The following GALNT13 variants were observed in gnomAD, a reference collection of about 807,000 sequenced individuals.
The protein encoded by GALNT13 is UDP-GalNAc:polypeptide N-acetylgalactosaminyltransferase 13.
Under a neutral mutation model 64.2 loss-of-function variants are expected in GALNT13, and 28 were observed. The observed-to-expected ratio is 0.44, with a 90% CI of 0.32 to 0.60. GALNT13 has a LOEUF of 0.60. Ranked by LOEUF, GALNT13 falls within the 20% of genes least tolerant of loss-of-function variation. The probability of loss-of-function intolerance (pLI) is 0.05; values close to 1 mark genes in which losing one functional copy is unlikely to be tolerated. For missense variants in GALNT13, 577 were observed against 669.8 expected, an observed-to-expected ratio of 0.86 and a Z score of 1.53; for synonymous variants, 214 against 224.6, an observed-to-expected ratio of 0.95 and a Z score of 0.42.
At chr2:153,467,478 G>A in the GALNT13 span, among the ~76,000 whole-genome samples, 1 of 152,182 alleles carries the variant, frequency 6.6e-6, no homozygotes, top group African/African-American at 2.4e-5. Flanking sequence ...TAGCAGAATG[G>A]CAGAGAGGAA....
chr2:153,648,165 T>A, the GALNT13 span, among the ~76,000 whole-genome samples: 1 of 152,202 alleles, frequency 6.6e-6, no homozygotes, highest in African/African-American at 2.4e-5. Flanking sequence ...GTAGTTCTCC[T>A]TGAAGAGGAC....
chr2:153,173,041 G>A, the GALNT13 span, among the ~76,000 whole-genome samples: 1 of 151,864 alleles, frequency 6.6e-6, no homozygotes, highest in South Asian at 2.1e-4. Context: ...TAGGCATACT[G>A]TGAACATTAC....
chr2:153,736,810 A>G, the GALNT13 span, among the ~76,000 whole-genome samples: 1 of 151,736 alleles, frequency 6.6e-6, no homozygotes, highest in African/African-American at 2.4e-5. Context: ...CATTTTCTTC[A>G]GTCTCCCTGC....
the GALNT13 span, among the ~76,000 whole-genome samples, chr2:153,104,080 T>C: frequency 6.6e-6 from 1 of 152,188 alleles, no homozygotes; most frequent in Non-Finnish European, 1.5e-5. Flanking sequence ...CCTTCACAAC[T>C]TTACTATTAG....
intron 9 of GALNT13, among the ~76,000 whole-genome samples, chr2:154,355,138 C>T (rs1384181790): frequency 6.6e-6 from 1 of 152,088 alleles, no homozygotes; most frequent in Non-Finnish European, 1.5e-5. Context: ...GCTTTGTCCC[C>T]ACGCCCAGCC....
At chr2:154,281,655 A>G (rs1227411211) in intron 8 of GALNT13, among the ~76,000 whole-genome samples, 1 of 152,088 alleles carries the variant, frequency 6.6e-6, no homozygotes, top group African/African-American at 2.4e-5. Flanking sequence ...GGGAGATGAG[A>G]TTAAAGGCTC....
At chr2:154,257,273 T>C (rs1690430733) in intron 7 of GALNT13, among the ~76,000 whole-genome samples, 1 of 152,210 alleles carries the variant, frequency 6.6e-6, no homozygotes, top group Non-Finnish European at 1.5e-5. Context: ...TCAATACATG[T>C]TATTTAAATT....
chr2:153,449,058 G>C, the GALNT13 span, among the ~76,000 whole-genome samples: 1 of 151,838 alleles, frequency 6.6e-6, no homozygotes. Context: ...CTGTCTCTCT[G>C]TCTCTCTCTC....
chr2:153,975,821 C>T (rs1213024918), intron 3 of GALNT13, among the ~76,000 whole-genome samples: 2 of 151,958 alleles, frequency 1.3e-5, no homozygotes, highest in African/African-American at 2.4e-5. Flanking sequence ...TAAATCTTCT[C>T]ACAGCACTAC....
the GALNT13 span, among the ~76,000 whole-genome samples, chr2:153,750,621 T>G: frequency 4.9e-3 from 748 of 151,956 alleles, 1 homozygote; most frequent in Middle Eastern, 0.01. Context: ...ACGTTGCTCA[T>G]AGAGGCCACA....
chr2:153,990,122 T>C (rs1372706311), intron 3 of GALNT13, among the ~76,000 whole-genome samples: 1 of 152,084 alleles, frequency 6.6e-6, no homozygotes, highest in Non-Finnish European at 1.5e-5. Context: ...AATCTTTCTG[T>C]AGACTGGTGC....
the GALNT13 span, among the ~76,000 whole-genome samples, chr2:153,590,963 G>C: frequency 2.2e-5 from 3 of 138,612 alleles, no homozygotes; most frequent in East Asian, 7.1e-4. Flanking sequence ...AGAAGTCTTA[G>C]CCAGAGAAAT....
At chr2:153,970,515 G>A (rs1693668062) in intron 3 of GALNT13, among the ~76,000 whole-genome samples, 1 of 152,108 alleles carries the variant, frequency 6.6e-6, no homozygotes, top group Non-Finnish European at 1.5e-5. Flanking sequence ...TTCCTTTAGT[G>A]ATCTCTTTGA....
intron 3 of GALNT13, among the ~76,000 whole-genome samples, chr2:154,136,889 G>A (rs1682983875): frequency 6.6e-6 from 1 of 151,698 alleles, no homozygotes; most frequent in Non-Finnish European, 1.5e-5. Context: ...ATGTAGATTT[G>A]CTTGCCTTCT....
At chr2:153,557,637 A>G in the GALNT13 span, among the ~76,000 whole-genome samples, 2 of 152,190 alleles carry the variant, frequency 1.3e-5, no homozygotes, top group Non-Finnish European at 2.9e-5. Context: ...TATTCTTCAT[A>G]CTAAAATAGT....
chr2:154,093,669 C>CTTT (rs11463218), intron 3 of GALNT13, among the ~76,000 whole-genome samples: 3 of 142,322 alleles, frequency 2.1e-5, no homozygotes, highest in East Asian at 2.1e-4. Context: ...CACATTATTT[C>CTTT]TTTTTTTTTT....
the GALNT13 span, among the ~76,000 whole-genome samples, chr2:153,650,947 G>A: frequency 6.6e-6 from 1 of 152,156 alleles, no homozygotes; most frequent in Non-Finnish European, 1.5e-5. Context: ...ACCAATGTCT[G>A]AAGTGGGAGT....
At chr2:153,293,877 G>C in the GALNT13 span, among the ~76,000 whole-genome samples, 1 of 151,818 alleles carries the variant, frequency 6.6e-6, no homozygotes, top group East Asian at 1.9e-4. Context: ...CTGCAGTCTT[G>C]ACTTCCACAG....
the GALNT13 span, among the ~76,000 whole-genome samples, chr2:153,340,097 T>C: frequency 6.6e-6 from 1 of 152,184 alleles, no homozygotes; most frequent in Admixed American, 6.5e-5. Context: ...TTTGTAGTTT[T>C]ATACAAATTT....
Sources: gnomAD v4.1 joint callset for allele counts (sites outside exome capture counted in the v4.1 genomes callset) on GRCh38, gnomAD v4.1.1 for gene constraint, MANE v1.5 for transcripts, NCBI Gene and HGNC (gene_info 2026-07-23, HGNC 2026-07-21) for gene names.